The following ERGIC3 variants were observed in gnomAD, a reference collection of about 807,000 sequenced individuals.
The protein encoded by ERGIC3 is ERGIC and golgi 3.
A neutral mutation model predicts 54.7 loss-of-function variants in ERGIC3; 33 were observed. That is an observed-to-expected ratio of 0.60 (90% CI 0.46 to 0.81). The LOEUF is 0.81. ERGIC3 is among the 30% of genes least tolerant of loss of function. The pLI is 0.00. For synonymous variants in ERGIC3, 186 were observed against 189.8 expected (o/e 0.98, Z 0.16); for missense variants, 399 against 488.4 (o/e 0.82, Z 1.73).
chr20:35,547,803 GCCATGTAACCTCT>G (rs776101172), intron 5 of ERGIC3, among the ~76,000 whole-genome samples: 48 of 152,022 alleles, frequency 3.2e-4, no homozygotes, highest in Non-Finnish European at 4.7e-4. Context: ...CTTGGGCCAA[GCCATGTAACCTCT>G]CTATGTGAAG....
intron 4 of ERGIC3, chr20:35,543,181 T>A: frequency 2.2e-6 from 1 of 460,838 alleles, no homozygotes; most frequent in Non-Finnish European, 4.0e-6. Flanking sequence ...TACCTGCAGA[T>A]GGTAGTTTGA....
At chr20:35,546,259 A>G (rs534651642) in intron 4 of ERGIC3, among the ~76,000 whole-genome samples, 3 of 152,252 alleles carry the variant, frequency 2.0e-5, no homozygotes, top group Non-Finnish European at 4.4e-5. Flanking sequence ...GACATTACCT[A>G]TAGGTGACTT....
In ERGIC3 at chr20:35,542,894, G is replaced by A. The variant is rs1230626660; in HGVS notation, c.320G>A (p.Arg107Gln). 2 of 1,613,940 alleles carry A rather than the reference G, an allele frequency of 1.2e-6. No individual in the cohort carries two copies. The highest frequency in any genetic ancestry group is 1.7e-5 in the Admixed American group (1 of 59,986). Residue 107 changes from arginine (R) to glutamine (Q), a missense_variant, in exon 4 of 13, where the codon CGA becomes CAA. Arg to Gln is a conservative substitution (Grantham distance 43). Transcript: ENST00000348547. Reference sequence around the variant, plus strand: ...GTGGAACACAACCTGTTCAAGCAACGACTAGATAAAGATGGCATCCCCGTG... The same window carrying A: ...GTGGAACACAACCTGTTCAAGCAACAACTAGATAAAGATGGCATCCCCGTG... ...LDVEHNLFKQ[R>Q]LDKDGIPVSS...
At chr20:35,550,210 T>G (rs1049841758) in intron 7 of ERGIC3, among the ~76,000 whole-genome samples, 2 of 151,752 alleles carry the variant, frequency 1.3e-5, no homozygotes, top group African/African-American at 2.4e-5. Context: ...GGAGGAAGTG[T>G]TACAAGCAGA....
At chr20:35,556,294 AGAGTCT>A (rs1568873419) in intron 10 of ERGIC3, 23 bp downstream of exon 10, 1 of 1,613,426 alleles carries the variant, frequency 6.2e-7, no homozygotes, top group Admixed American at 1.7e-5. Flanking sequence ...GCTCCCTACC[AGAGTCT>A]CCTGCGCGGT....
At position 35,542,542 on chromosome 20, in the gene ERGIC3, G is replaced by T. The variant is rs202156592; in HGVS notation, c.189G>T (p.Ser63=). Residue 63 remains serine (S), a synonymous_variant, in exon 3 of 13, where the codon TCG becomes TCT. Coordinates refer to ENST00000348547, the MANE Select transcript of ERGIC3 (RefSeq NM_015966.3). ...EVHPELYVDK[S]RGDKLKINID... ...ATCCTGAGCTCTACGTGGACAAGTC[G>T]CGGGGAGATAAACTGAAGATCAACA... is the stretch of plus-strand genomic sequence containing the variant. The T allele has an allele frequency of 1.7e-4, 275 of 1,613,956 alleles. 3 individuals carry two copies. The South Asian group carries it at 2.6e-3, about 15-fold the overall frequency.
intron 7 of ERGIC3, chr20:35,549,433 A>C (rs939674140): frequency 5.7e-6 from 2 of 351,238 alleles, no homozygotes; most frequent in Non-Finnish European, 1.1e-5. Context: ...TCATTTGTTC[A>C]TTCATGCATT....
intron 7 of ERGIC3, among the ~76,000 whole-genome samples, chr20:35,550,387 G>C (rs1432757830): frequency 2.6e-5 from 4 of 151,820 alleles, no homozygotes; most frequent in Admixed American, 2.6e-4. Context: ...AGGCCGAGGC[G>C]GGTGGATCAC....
At chr20:35,550,436 T>C (rs926166917) in intron 7 of ERGIC3, among the ~76,000 whole-genome samples, 6 of 151,934 alleles carry the variant, frequency 3.9e-5, no homozygotes, top group African/African-American at 1.5e-4. Flanking sequence ...GCCAACATGG[T>C]GAAACCCTGT....
At chr20:35,546,257 C>T (rs1241631250) in intron 4 of ERGIC3, among the ~76,000 whole-genome samples, 1 of 152,138 alleles carries the variant, frequency 6.6e-6, no homozygotes, top group Non-Finnish European at 1.5e-5. Context: ...GAGACATTAC[C>T]TATAGGTGAC....
At position 35,557,621 on chromosome 20, in the gene ERGIC3, T is replaced by C. The variant is rs556780717; in HGVS notation, c.*117T>C. On this transcript the variant is annotated 3_prime_UTR_variant, in exon 13 of 13. Transcript: ENST00000348547. ...GCCCCAGGTTGATAAATCTATTGAT[T>C]GATTGTGATAGTACTCACTGGTCTC... The C allele has an allele frequency of 2.4e-5, 20 of 846,676 alleles. No individual in the cohort carries two copies. The highest frequency in any genetic ancestry group is 3.9e-5 in the Non-Finnish European group (20 of 518,986). The allele number at this position is 846,676 out of a possible 1,614,324, so 52.4% of individuals were successfully genotyped here. A position where few individuals can be genotyped will look rare whatever the true frequency, so the allele number is the denominator to read the frequency against.
At chr20:35,548,962 C>A in intron 7 of ERGIC3, 97 bp downstream of exon 7, 1 of 1,470,730 alleles carries the variant, frequency 6.8e-7, no homozygotes, top group Non-Finnish European at 9.5e-7. Flanking sequence ...TTGTCTTGGG[C>A]AACCATTTGG....
chr20:35,544,884 C>T (rs139232101), intron 4 of ERGIC3: 16,940 of 147,146 alleles, frequency 0.12, 1,060 homozygotes, highest in South Asian at 0.2. Flanking sequence ...CTCACTGCAA[C>T]CTCTGCCTCC....
At chr20:35,548,420 A>G (rs2064662657) in intron 5 of ERGIC3, 89 bp from the exon 6 acceptor site, 24 of 1,410,228 alleles carry the variant, frequency 1.7e-5, no homozygotes, top group Non-Finnish European at 2.1e-5. Flanking sequence ...CTTCATTAGC[A>G]GGCAGAGCTG....
chr20:35,552,989 G>A (rs2064689253), intron 7 of ERGIC3, among the ~76,000 whole-genome samples: 1 of 143,972 alleles, frequency 6.9e-6, no homozygotes, highest in East Asian at 2.1e-4. Context: ...AAACAAGCAG[G>A]GCTGCTTTGC....
chr20:35,548,414 A>G (rs1274521883), intron 5 of ERGIC3, 95 bp from the exon 6 acceptor site: 3 of 1,343,212 alleles, frequency 2.2e-6, no homozygotes, highest in Non-Finnish European at 3.1e-6. Flanking sequence ...CAGAGCCTTC[A>G]TTAGCAGGCA....
In ERGIC3 at chr20:35,542,388, A is replaced by T; in HGVS notation, c.154A>T (p.Thr52Ser). Residue 52 changes from threonine to serine, a missense_variant, in exon 2 of 13, where the codon ACG (threonine) becomes TCG (serine). Transcript: ENST00000348547. ...FLSELQYYLT[T>S]EVHPELYVDK... Reference sequence around the variant, plus strand: ...GTCCGAGCTGCAGTATTACCTCACCACGGAGGTAAGGGGCGGGGCTTAGTG... The same window carrying T: ...GTCCGAGCTGCAGTATTACCTCACCTCGGAGGTAAGGGGCGGGGCTTAGTG... 6.2e-7 allele frequency: 1 copy of T among 1,612,450 alleles called. No individual in the cohort carries two copies. The highest frequency in any genetic ancestry group is 1.1e-5 in the South Asian group (1 of 90,984).
At chr20:35,554,457 G>A in intron 7 of ERGIC3, 1 of 1,574,100 alleles carries the variant, frequency 6.4e-7, no homozygotes, top group Non-Finnish European at 8.7e-7. Flanking sequence ...GAATGGCGGG[G>A]AGGTTGGATG....
At chr20:35,550,297 T>G (rs1046450697) in intron 7 of ERGIC3, among the ~76,000 whole-genome samples, 17 of 151,972 alleles carry the variant, frequency 1.1e-4, no homozygotes, top group African/African-American at 3.9e-4. Context: ...TTAGGGTGGC[T>G]GGAGCAGAGG....
Sources: gnomAD v4.1 joint callset for allele counts (sites outside exome capture counted in the v4.1 genomes callset) on GRCh38, gnomAD v4.1.1 for gene constraint, MANE v1.5 for transcripts, NCBI Gene and HGNC (gene_info 2026-07-23, HGNC 2026-07-21) for gene names.